Variants in RSPRY1 observed in about 807,000 individuals in gnomAD.
The protein encoded by RSPRY1 is RING finger and SPRY domain-containing protein 1.
RSPRY1 carries 23 observed loss-of-function variants against 73.1 expected under a neutral mutation model. The observed-to-expected ratio is 0.31, with a 90% CI of 0.23 to 0.45. The LOEUF is 0.45. RSPRY1 is among the 20% of genes least tolerant of loss of function. The pLI is 1.00. For synonymous variants in RSPRY1, 226 were observed against 251.4 expected (o/e 0.90, Z 0.95); for missense variants, 448 against 698.7 (o/e 0.64, Z 4.05).
In RSPRY1 at chr16:57,213,876, G is replaced by A. The variant is rs1278558064; in HGVS notation, c.644-12G>A. 1.9e-6 allele frequency: 3 copies of A among 1,572,512 alleles called. No homozygotes were observed. The highest frequency in any genetic ancestry group is 1.3e-5 in the African/African-American group (1 of 74,154). On this transcript the variant is annotated splice_polypyrimidine_tract_variant and intron_variant, in intron 5 of 14. Coordinates refer to ENST00000394420, the MANE Select transcript of RSPRY1 (RefSeq NM_133368.3). ...ATTTTAATTATATCAAGTGTTTGTT[G>A]TATTTGTCTAGGTCCTGCAAGTATA... is the stretch of plus-strand genomic sequence containing the variant.
chr16:57,213,807 A>T, intron 5 of RSPRY1, 81 bp from the exon 6 acceptor site: 2 of 1,053,772 alleles, frequency 1.9e-6, no homozygotes, highest in South Asian at 2.5e-5. Context: ...AAAGAGTTCT[A>T]CCAAAACAAT....
At chr16:57,228,280 A>G (rs1458914397) in intron 11 of RSPRY1, among the ~76,000 whole-genome samples, 1 of 151,312 alleles carries the variant, frequency 6.6e-6, no homozygotes, top group East Asian at 1.9e-4. Context: ...CTCAAAAAAA[A>G]AAAAAAAAAA....
chr16:57,208,259 G>T, intron 3 of RSPRY1, 149 bp downstream of exon 3: 2 of 399,444 alleles, frequency 5.0e-6, no homozygotes, highest in Non-Finnish European at 4.4e-6. Flanking sequence ...CTTACTGTAT[G>T]GAAATTTCCC....
At chr16:57,193,793 C>T (rs181185407) in intron 1 of RSPRY1, among the ~76,000 whole-genome samples, 37 of 152,036 alleles carry the variant, frequency 2.4e-4, no homozygotes, top group Non-Finnish European at 2.1e-4. Context: ...CAGCCGGGTG[C>T]GGTGGCTCAC....
intron 7 of RSPRY1, chr16:57,216,625 C>T (rs918341297): frequency 3.3e-5 from 13 of 399,202 alleles, no homozygotes; most frequent in African/African-American, 1.8e-4. Context: ...GATGCTGAGG[C>T]GGGGGGATCA....
rs200643065 is a variant in RSPRY1 at position 57,208,376 on chromosome 16, TTATA to T, written c.403+288_403+291del. ...TGTTCTGGAATGGAGAGGAGATTAT[TTATA>T]TATATATATATATATATATATTTTT... On this transcript the variant is annotated intron_variant, in intron 3 of 14. Coordinates refer to ENST00000394420, the MANE Select transcript of RSPRY1 (RefSeq NM_133368.3). Among the ~76,000 whole-genome samples the T allele has an allele frequency of 8.6e-4, 81 of 94,344 alleles. 4 individuals carry two copies. The Middle Eastern group carries it at 0.033, about 39-fold the overall frequency. 61.9% of individuals were successfully genotyped at this position (94,344 alleles called of 152,430 possible).
At chr16:57,203,193 GGCTGAGGTAGGAGAATT>G (rs1231751254) in intron 1 of RSPRY1, among the ~76,000 whole-genome samples, 1 of 152,056 alleles carries the variant, frequency 6.6e-6, no homozygotes, top group Non-Finnish European at 1.5e-5. Context: ...TTACTCGAGA[GGCTGAGGTAGGAGAATT>G]GCTTGAACCC....
intron 1 of RSPRY1, among the ~76,000 whole-genome samples, chr16:57,196,900 A>G (rs776230118): frequency 2.6e-5 from 4 of 152,162 alleles, no homozygotes; most frequent in Non-Finnish European, 5.9e-5. Context: ...TTTAATCCCC[A>G]CAGTGGTACT....
In RSPRY1 at chr16:57,240,429, T is replaced by C. The variant is rs1231447290; in HGVS notation, c.*1454T>C. 2 of 152,092 alleles carry C rather than the reference T, an allele frequency of 1.3e-5. No homozygotes were observed. The highest frequency in any genetic ancestry group is 2.9e-5 in the Non-Finnish European group (2 of 68,010). The allele number at this position is 152,092 out of a possible 1,614,324, so 9.4% of individuals were successfully genotyped here. ...CTTCTTTAGCTTGTGGTGAATACAG[T>C]AATTTGCATTGAAGAATAAAACATC... is the stretch of plus-strand genomic sequence containing the variant. On this transcript the variant is annotated 3_prime_UTR_variant, in exon 15 of 15. Coordinates refer to ENST00000394420, the MANE Select transcript of RSPRY1 (RefSeq NM_133368.3).
intron 1 of RSPRY1, among the ~76,000 whole-genome samples, chr16:57,195,484 T>C (rs1179928559): frequency 6.6e-6 from 1 of 151,676 alleles, no homozygotes; most frequent in Non-Finnish European, 1.5e-5. Flanking sequence ...TACACTCCAG[T>C]CTGGGCAATG....
intron 4 of RSPRY1, among the ~76,000 whole-genome samples, chr16:57,210,740 G>C (rs1237086124): frequency 6.6e-6 from 1 of 151,720 alleles, no homozygotes; most frequent in Admixed American, 6.6e-5. Flanking sequence ...CATTTAGGTT[G>C]GGCGCAGTGG....
In RSPRY1 at chr16:57,239,274, C is replaced by A. The variant is rs1227112572; in HGVS notation, c.*299C>A. 5.6e-6 allele frequency: 1 copy of A among 179,252 alleles called. No individual in the cohort carries two copies. The highest frequency in any genetic ancestry group is 1.5e-4 in the East Asian group (1 of 6,712). The allele number at this position is 179,252 out of a possible 1,614,324, so 11.1% of individuals were successfully genotyped here. On this transcript the variant is annotated 3_prime_UTR_variant, in exon 15 of 15. Transcript: ENST00000394420. The stretch of plus-strand genomic sequence containing the variant: ...TGCCCTCCCAAGTACTGAAATCACA[C>A]TGGAATCCCCCTTGTTGGGTTCATT...
intron 10 of RSPRY1, among the ~76,000 whole-genome samples, chr16:57,227,091 A>T (rs2075131391): frequency 6.6e-6 from 1 of 152,234 alleles, no homozygotes; most frequent in South Asian, 2.1e-4. Context: ...GAATTAAATG[A>T]ACTAACAAAT....
At chr16:57,212,345 T>A (rs1456460386) in intron 4 of RSPRY1, among the ~76,000 whole-genome samples, 1 of 152,194 alleles carries the variant, frequency 6.6e-6, no homozygotes, top group African/African-American at 2.4e-5. Context: ...TGTTTTTGCT[T>A]AGTAAAACTT....
In RSPRY1 at chr16:57,224,925, G is replaced by A. The variant is rs192413648; in HGVS notation, c.1162-2417G>A. Among the ~76,000 whole-genome samples, 43 of 152,366 alleles carry A rather than the reference G, an allele frequency of 2.8e-4. No individual in the cohort carries two copies. The East Asian group carries it at 7.9e-3, about 28-fold the overall frequency. On this transcript the variant is annotated intron_variant, in intron 10 of 14. Transcript: ENST00000394420. ...ACTTCTCAGGACATTAGAAGGTGAA[G>A]ATAGAAAAGAATTGCTTGCCTTTTA...
intron 1 of RSPRY1, among the ~76,000 whole-genome samples, chr16:57,193,756 G>C (rs771668073): frequency 2.0e-5 from 3 of 152,160 alleles, no homozygotes; most frequent in Non-Finnish European, 4.4e-5. Flanking sequence ...AACTCAGCAC[G>C]TTACTGTGCT....
chr16:57,222,424 G>A (rs1311027600), intron 10 of RSPRY1, among the ~76,000 whole-genome samples: 3 of 152,122 alleles, frequency 2.0e-5, no homozygotes, highest in Non-Finnish European at 4.4e-5. Context: ...GCCTATTTCA[G>A]CAAGGCTGTA....
chr16:57,223,252 C>G lies in RSPRY1; in HGVS notation c.1161+1837C>G, dbSNP rs147573040. Among the ~76,000 whole-genome samples, 1,228 of 152,158 alleles carry G rather than the reference C, an allele frequency of 8.1e-3. 11 individuals are homozygous for G. The highest frequency in any genetic ancestry group is 0.011 in the Non-Finnish European group (771 of 68,012). ...GGAGTAAGTCATTCCTAGGATACAC[C>G]CAGTTTCAAAAGATTCTAAGTCTCT... On this transcript the variant is annotated intron_variant, in intron 10 of 14. Coordinates refer to ENST00000394420, the MANE Select transcript of RSPRY1 (RefSeq NM_133368.3).
chr16:57,203,803 A>G (rs2146240592), intron 1 of RSPRY1, among the ~76,000 whole-genome samples: 1 of 152,338 alleles, frequency 6.6e-6, no homozygotes, highest in East Asian at 1.9e-4. Context: ...GAACTTTGTA[A>G]TAGACATGTG....
Sources: gnomAD v4.1 joint callset for allele counts (sites outside exome capture counted in the v4.1 genomes callset) on GRCh38, gnomAD v4.1.1 for gene constraint, MANE v1.5 for transcripts, NCBI Gene and HGNC (gene_info 2026-07-23, HGNC 2026-07-21) for gene names.